The following CLPB variants were observed in gnomAD, a reference collection of about 807,000 sequenced individuals.
CLPB encodes mitochondrial disaggregase.
Under a neutral mutation model 78.4 loss-of-function variants are expected in CLPB, and 40 were observed. The observed-to-expected ratio is 0.51, with a 90% CI of 0.40 to 0.66. The LOEUF is 0.66. Among genes scored for constraint, CLPB ranks in the 30% least tolerant of loss-of-function variants. The pLI, the probability that CLPB is intolerant of heterozygous loss-of-function variation, is 0.00. For missense variants in CLPB, 780 were observed against 886.9 expected (o/e 0.88, Z 1.53); for synonymous variants, 333 against 348.0 (o/e 0.96, Z 0.48).
At chr11:72,391,395 G>C (rs1421096755) in intron 3 of CLPB, among the ~76,000 whole-genome samples, 1 of 152,156 alleles carries the variant, frequency 6.6e-6, no homozygotes, top group African/African-American at 2.4e-5. Flanking sequence ...CATGGTAGGT[G>C]ACCCTCATAT....
At chr11:72,296,931 G>A (rs1166747619) in intron 11 of CLPB, among the ~76,000 whole-genome samples, 1 of 152,226 alleles carries the variant, frequency 6.6e-6, no homozygotes, top group Non-Finnish European at 1.5e-5. Context: ...GTAGAGGCGA[G>A]ACTTGAACTA....
At chr11:72,395,287 T>G (rs779128199) in intron 3 of CLPB, among the ~76,000 whole-genome samples, 45 of 152,254 alleles carry the variant, frequency 3.0e-4, no homozygotes, top group Non-Finnish European at 3.8e-4. Context: ...TCATGGGTCA[T>G]CAAGAAACCC....
intron 2 of CLPB, among the ~76,000 whole-genome samples, chr11:72,413,430 G>A (rs1452551225): frequency 1.3e-5 from 2 of 151,156 alleles, no homozygotes; most frequent in African/African-American, 4.9e-5. Flanking sequence ...CAGATACTAT[G>A]CCCCTTTACC....
intron 7 of CLPB, among the ~76,000 whole-genome samples, chr11:72,316,248 C>T (rs1489786930): frequency 6.6e-6 from 1 of 152,188 alleles, no homozygotes; most frequent in Non-Finnish European, 1.5e-5. Context: ...TTTGATTCCA[C>T]AGGTATGGAA....
intron 2 of CLPB, chr11:72,411,691 T>C (rs867591164): frequency 1.3e-5 from 2 of 152,250 alleles, no homozygotes; most frequent in Middle Eastern, 3.4e-3. Context: ...TCTGGCTAAC[T>C]AGCTCTTCCA....
rs542829020 is a variant in CLPB at position 72,312,091 on chromosome 11, C to G, written c.989-3487G>C. On this transcript the variant is annotated intron_variant, in intron 7 of 15. Coordinates refer to ENST00000538039, the MANE Select transcript of CLPB (RefSeq NM_001258392.3). The surrounding 1 kb of genome is among the most constrained non-coding windows in gnomAD (Gnocchi z 4.2). The stretch of plus-strand genomic sequence containing the variant: ...CATGGAGTCCCGCCTCTGTCACTTA[C>G]CAGCTGACTGACTTTAAATAAAACA... 2.2e-4 allele frequency among the ~76,000 whole-genome samples: 34 copies of G among 152,302 alleles called. No homozygotes were observed. The highest frequency in any genetic ancestry group is 7.9e-4 in the African/African-American group (33 of 41,564).
Position 72,287,048 on chromosome 11 carries a change from T to TA in CLPB, c.*6318dup, listed in dbSNP as rs1298248588. 1.3e-5 allele frequency: 2 copies of TA among 152,236 alleles called. No individual in the cohort carries two copies. Among genetic ancestry groups the TA allele is most frequent in the Admixed American group, 1.3e-4 (2 of 15,286 alleles). 9.4% of individuals were successfully genotyped at this position (152,236 alleles called of 1,614,324 possible). ...TTCCTGACACTGAGCCTTGCATTGC[T>TA]AAAATAAACCTTATGTAATCAGAGT... On this transcript the variant is annotated 3_prime_UTR_variant, in exon 16 of 16. Coordinates refer to ENST00000538039, the MANE Select transcript of CLPB (RefSeq NM_001258392.3).
At chr11:72,302,633 C>T (rs1033511188) in intron 9 of CLPB, 5 of 392,832 alleles carry the variant, frequency 1.3e-5, no homozygotes, top group South Asian at 2.5e-5. Context: ...CTGTTCTGAT[C>T]ACCACATCAT....
At chr11:72,407,821 T>A (rs1216262103) in intron 2 of CLPB, among the ~76,000 whole-genome samples, 1 of 152,174 alleles carries the variant, frequency 6.6e-6, no homozygotes, top group Non-Finnish European at 1.5e-5. Context: ...TAATTTTTTG[T>A]ATTTTTTAGC....
chr11:72,411,938 A>G (rs1488242469), intron 2 of CLPB: 2 of 152,242 alleles, frequency 1.3e-5, no homozygotes, highest in Non-Finnish European at 2.9e-5. Context: ...TATCTGGGCA[A>G]CAGGGCCCTG....
Position 72,403,983 on chromosome 11 carries a change from C to T in CLPB, c.456-931G>A, listed in dbSNP as rs547761114. Among the ~76,000 whole-genome samples the T allele has an allele frequency of 8.5e-5, 13 of 152,276 alleles. No homozygotes were observed. The East Asian group carries it at 2.1e-3, about 25-fold the overall frequency. ...CACCTAAGGACCTAAGAGTAATCGCCTCTTTTCAGGGATAAGGTAACAGGC... is the reference window on the plus strand; with the variant it reads ...CACCTAAGGACCTAAGAGTAATCGCTTCTTTTCAGGGATAAGGTAACAGGC... On this transcript the variant is annotated intron_variant, in intron 2 of 15. Coordinates refer to ENST00000538039, the MANE Select transcript of CLPB (RefSeq NM_001258392.3).
chr11:72,357,406 T>C (rs1459044805), intron 5 of CLPB, among the ~76,000 whole-genome samples: 3 of 152,078 alleles, frequency 2.0e-5, no homozygotes, highest in Non-Finnish European at 4.4e-5. Flanking sequence ...AGACCACAGC[T>C]CATTAAAAAG....
chr11:72,404,502 T>C (rs1387296262), intron 2 of CLPB, among the ~76,000 whole-genome samples: 1 of 152,224 alleles, frequency 6.6e-6, no homozygotes, highest in Non-Finnish European at 1.5e-5. Flanking sequence ...TTCTCTCAAA[T>C]ACTTTCGAAG....
intron 6 of CLPB, among the ~76,000 whole-genome samples, chr11:72,326,554 TAGGTGG>T (rs989802398): frequency 6.6e-6 from 1 of 152,056 alleles, no homozygotes; most frequent in African/African-American, 2.4e-5. Flanking sequence ...TACAGAGTGG[TAGGTGG>T]AGGTGGAGGA....
chr11:72,316,121 C>T (rs1949936959), intron 7 of CLPB, among the ~76,000 whole-genome samples: 1 of 152,108 alleles, frequency 6.6e-6, no homozygotes, highest in Non-Finnish European at 1.5e-5. Flanking sequence ...AGCACCAACC[C>T]CTCAATCCAG....
intron 5 of CLPB, among the ~76,000 whole-genome samples, chr11:72,335,608 C>T (rs561415228): frequency 6.6e-6 from 1 of 152,340 alleles, no homozygotes; most frequent in South Asian, 2.1e-4. Flanking sequence ...GTTTCCCTTC[C>T]ACCCCAGGTT....
Position 72,434,156 on chromosome 11 carries a change from C to A in CLPB, c.319G>T (p.Val107Phe). 6.2e-7 allele frequency: 1 copy of A among 1,612,920 alleles called. No individual in the cohort carries two copies. The highest frequency in any genetic ancestry group is 8.5e-7 in the Non-Finnish European group (1 of 1,180,008). Residue 107 changes from valine (V) to phenylalanine (F), a missense_variant, in exon 1 of 16, where the codon GTC becomes TTC. Transcript: ENST00000538039. Reference sequence around the variant, plus strand: ...ATGCCCAGTCCGGCCCTGCTGGGGACCCCGTTCCAGCTGTCCTGTCCTGGG... The same window carrying A: ...ATGCCCAGTCCGGCCCTGCTGGGGAACCCGTTCCAGCTGTCCTGTCCTGGG... The part of the protein sequence containing the change: ...TLPGQDSWNG[V>F]PSRAGLGMCA...
At chr11:72,374,667 G>A (rs982409468) in intron 4 of CLPB, among the ~76,000 whole-genome samples, 1 of 152,198 alleles carries the variant, frequency 6.6e-6, no homozygotes, top group African/African-American at 2.4e-5. Flanking sequence ...CAAAGATAAA[G>A]TCTCAGCAAG....
Position 72,317,210 on chromosome 11 carries a change from T to G in CLPB, c.884A>C (p.Lys295Thr), listed in dbSNP as rs774159137. 13 of 1,610,214 alleles carry G rather than the reference T, an allele frequency of 8.1e-6. No homozygotes were observed. The South Asian group carries it at 1.4e-4, about 18-fold the overall frequency. ...LRTSEAKYQEKQRKREAEERR... is the reference protein window; with the variant it reads ...LRTSEAKYQETQRKREAEERR... ...CTCCTCAGCCTCACGCTTCCGCTGC[T>G]TCTCTTGGTACTGTGGGGAGAGAGG... The change falls in exon 7 of 16, where the codon AAG (lysine) becomes ACG (threonine). Residue 295 changes from lysine (K) to threonine (T), a missense_variant. By Grantham distance (78) the Lys-to-Thr change is moderately conservative (BLOSUM62 -1). Around this residue, in one of 3 missense-constraint regions of CLPB, gnomAD observed 417 missense variants for 414.7 expected, o/e 1.01. Transcript: ENST00000538039.
Sources: gnomAD v4.1 joint callset for allele counts (sites outside exome capture counted in the v4.1 genomes callset) on GRCh38, gnomAD v4.1.1 for gene constraint, gnomAD v4.1.1 regional missense constraint, Gnocchi (gnomAD v3.1) non-coding constraint, MANE v1.5 for transcripts, NCBI Gene and HGNC (gene_info 2026-07-23, HGNC 2026-07-21) for gene names.